AMOTL1: variants seen among roughly 807,000 people sequenced by gnomAD.
AMOTL1 encodes the protein angiomotin like 1.
In AMOTL1, 45 loss-of-function variants were observed where a neutral mutation model predicts 102.9. The observed-to-expected ratio is 0.44, with a 90% CI of 0.34 to 0.56. The LOEUF is 0.56. AMOTL1 is among the 20% of genes least tolerant of loss of function. The pLI, the probability that AMOTL1 is intolerant of heterozygous loss-of-function variation, is 0.01. For synonymous variants in AMOTL1, 481 were observed against 484.7 expected (o/e 0.99, Z 0.10); for missense variants, 1,114 against 1,225.6 (o/e 0.91, Z 1.36).
intron 7 of AMOTL1, 50 bp downstream of exon 7, chr11:94,850,309 A>C: frequency 1.3e-6 from 2 of 1,526,594 alleles, no homozygotes; most frequent in East Asian, 2.4e-5. Flanking sequence ...AGCAGAGCCC[A>C]GAGGGCTTCC....
chr11:94,761,804 G>C (rs1257016241), intron 3 of AMOTL1, among the ~76,000 whole-genome samples: 1 of 152,136 alleles, frequency 6.6e-6, no homozygotes, highest in African/African-American at 2.4e-5. Context: ...GTCTTTCCTT[G>C]GCTTTTAAAA....
intron 1 of AMOTL1, among the ~76,000 whole-genome samples, chr11:94,794,101 T>C (rs1258835671): frequency 6.6e-6 from 1 of 152,242 alleles, no homozygotes; most frequent in Non-Finnish European, 1.5e-5. Flanking sequence ...TGGAAGCCAT[T>C]GCTGAAAAAC....
rs573967510 is a variant in AMOTL1 at position 94,716,060 on chromosome 11, C to T, written c.-51+9463C>T. Among the ~76,000 whole-genome samples, 9 of 151,954 alleles carry T rather than the reference C, an allele frequency of 5.9e-5. No homozygotes were observed. The East Asian group carries it at 1.7e-3, about 29-fold the overall frequency. On this transcript the variant is annotated intron_variant, in intron 1 of 4. Transcript: ENST00000299004. ...CTGTTAAATTTTTTGTTTATTTTTCCTTTTTTGTACAAGTAAATTCTATTG... is the reference window on the plus strand; with the variant it reads ...CTGTTAAATTTTTTGTTTATTTTTCTTTTTTTGTACAAGTAAATTCTATTG...
chr11:94,874,204 A>T lies in AMOTL1; in HGVS notation c.*3409A>T, dbSNP rs1051716973. On this transcript the variant is annotated 3_prime_UTR_variant, in exon 13 of 13. Transcript: ENST00000433060. The stretch of plus-strand genomic sequence containing the variant: ...TTAGATGCCTCTGTACATGAGAACT[A>T]TTACTGTCTGCAGGTCCATATAGCT... 6.6e-6 allele frequency: 1 copy of T among 152,242 alleles called. No homozygotes were observed. The highest frequency in any genetic ancestry group is 2.4e-5 in the African/African-American group (1 of 41,450). The allele number at this position is 152,242 out of a possible 1,614,324, so 9.4% of individuals were successfully genotyped here.
intron 3 of AMOTL1, among the ~76,000 whole-genome samples, chr11:94,747,182 A>C (rs572044020): frequency 6.6e-6 from 1 of 152,080 alleles, no homozygotes; most frequent in Non-Finnish European, 1.5e-5. Context: ...GAAAATCTGG[A>C]CTTTAGAAAG....
chr11:94,767,518 A>G (rs2135508959), upstream of AMOTL1, among the ~76,000 whole-genome samples: 1 of 152,226 alleles, frequency 6.6e-6, no homozygotes, highest in South Asian at 2.1e-4. Flanking sequence ...TAACTCTCCC[A>G]CTAACATCCT....
chr11:94,728,518 A>G (rs921578932), intron 1 of AMOTL1, among the ~76,000 whole-genome samples: 1 of 152,194 alleles, frequency 6.6e-6, no homozygotes, highest in Non-Finnish European at 1.5e-5. Context: ...TTCTAATACA[A>G]TGAAAACTGC....
chr11:94,788,674 T>A (rs1344077927), intron 1 of AMOTL1, among the ~76,000 whole-genome samples: 1 of 152,208 alleles, frequency 6.6e-6, no homozygotes, highest in African/African-American at 2.4e-5. Flanking sequence ...AACCAAATCG[T>A]AAAATCCTAA....
At chr11:94,841,769 A>G (rs1023330818) in intron 6 of AMOTL1, among the ~76,000 whole-genome samples, 2 of 152,232 alleles carry the variant, frequency 1.3e-5, no homozygotes, top group Non-Finnish European at 2.9e-5. Flanking sequence ...TGTAAAGTGC[A>G]TATGTAATAA....
intron 1 of AMOTL1, among the ~76,000 whole-genome samples, chr11:94,790,722 C>G (rs1033012658): frequency 6.6e-6 from 1 of 152,160 alleles, no homozygotes; most frequent in Non-Finnish European, 1.5e-5. Flanking sequence ...AATTTAAGGA[C>G]AAGGGACTTC....
intron 3 of AMOTL1, among the ~76,000 whole-genome samples, chr11:94,758,532 A>T (rs1449570212): frequency 6.6e-6 from 1 of 152,240 alleles, no homozygotes; most frequent in Non-Finnish European, 1.5e-5. Context: ...TGGGATAGTC[A>T]TAGATGGCGT....
chr11:94,874,554 CAG>C lies in AMOTL1; in HGVS notation c.*3763_*3764del, dbSNP rs1204652038. Reference sequence around the variant, plus strand: ...CAACAAATTAGTTCTGAACCTGGAACAGAGAATTCAGTGCTTCTGTTACTCAG... The same window carrying C: ...CAACAAATTAGTTCTGAACCTGGAACAGAATTCAGTGCTTCTGTTACTCAG... On this transcript the variant is annotated 3_prime_UTR_variant, in exon 13 of 13. Coordinates refer to ENST00000433060, the MANE Select transcript of AMOTL1 (RefSeq NM_130847.3). 6.6e-6 allele frequency: 1 copy of C among 152,228 alleles called. No individual in the cohort carries two copies. Among genetic ancestry groups the C allele is most frequent in the Non-Finnish European group, 1.5e-5 (1 of 68,048 alleles). The allele number at this position is 152,228 out of a possible 1,614,324, so 9.4% of individuals were successfully genotyped here. A position where few individuals can be genotyped will look rare whatever the true frequency, so the allele number is the denominator to read the frequency against.
At chr11:94,866,476 C>T (rs1288328861) in intron 11 of AMOTL1, 2 of 366,144 alleles carry the variant, frequency 5.5e-6, no homozygotes, top group African/African-American at 2.1e-5. Flanking sequence ...AGAGACATCA[C>T]GCCTCTGAAC....
At position 94,816,253 on chromosome 11, in the gene AMOTL1, CTGTT is replaced by C. The variant is rs528525557; in HGVS notation, c.1122-5268_1122-5265del. 4.1e-3 allele frequency among the ~76,000 whole-genome samples: 629 copies of C among 152,196 alleles called. 12 individuals are homozygous for C. The highest frequency in any genetic ancestry group is 0.034 in the South Asian group (166 of 4,818). On this transcript the variant is annotated intron_variant, in intron 3 of 12. Transcript: ENST00000433060. ...TCCCGTAAGTTTTATTCCTCGGGTG[CTGTT>C]TGTTTGTTGTGGCCTTACACTAAAA...
upstream of AMOTL1, among the ~76,000 whole-genome samples, chr11:94,763,997 A>G (rs562091350): frequency 6.6e-6 from 1 of 152,318 alleles, no homozygotes; most frequent in Admixed American, 6.5e-5. Flanking sequence ...GATGTTTATA[A>G]AAAGAAGAAA....
chr11:94,784,116 T>C (rs1463892040), intron 1 of AMOTL1, among the ~76,000 whole-genome samples: 1 of 150,856 alleles, frequency 6.6e-6, no homozygotes, highest in Non-Finnish European at 1.5e-5. Context: ...TGCTCAGTAA[T>C]GTTTCTTTCT....
chr11:94,873,220 A>G lies in AMOTL1; in HGVS notation c.*2425A>G, dbSNP rs925566546. 2.3e-4 allele frequency: 35 copies of G among 152,140 alleles called. No homozygotes were observed. Among genetic ancestry groups the G allele is most frequent in the African/African-American group, 8.0e-4 (33 of 41,428 alleles). 9.4% of individuals were successfully genotyped at this position (152,140 alleles called of 1,614,324 possible). On this transcript the variant is annotated 3_prime_UTR_variant, in exon 13 of 13. Coordinates refer to ENST00000433060, the MANE Select transcript of AMOTL1 (RefSeq NM_130847.3). ...AAGTGTTTTCATTGTAAACAGACAC[A>G]TCGCCATGTTTCAGGGCTTCAACGG...
chr11:94,800,910 G>A (rs1194993235), intron 3 of AMOTL1, among the ~76,000 whole-genome samples: 1 of 152,144 alleles, frequency 6.6e-6, no homozygotes, highest in Non-Finnish European at 1.5e-5. Context: ...GCCTTCACTT[G>A]TATTCTTCCA....
At chr11:94,762,622 T>C (rs1045068103) in intron 3 of AMOTL1, among the ~76,000 whole-genome samples, 3 of 152,346 alleles carry the variant, frequency 2.0e-5, no homozygotes, top group Admixed American at 6.5e-5. Context: ...ATAACTGTCA[T>C]GTATCGAATA....
Sources: gnomAD v4.1 joint callset for allele counts (sites outside exome capture counted in the v4.1 genomes callset) on GRCh38, gnomAD v4.1.1 for gene constraint, MANE v1.5 for transcripts, NCBI Gene and HGNC (gene_info 2026-07-23, HGNC 2026-07-21) for gene names.